The following DOCK3 variants were observed in gnomAD, a reference collection of about 807,000 sequenced individuals.
DOCK3 encodes dedicator of cytokinesis 3.
A neutral mutation model predicts 265.6 loss-of-function variants in DOCK3; 60 were observed. The observed-to-expected ratio is 0.23, with a 90% CI of 0.18 to 0.28. The LOEUF (loss-of-function observed/expected upper bound fraction) is 0.28, where lower values mean the gene tolerates loss of function less well. DOCK3 is among the 10% of genes least tolerant of loss of function. The pLI is 1.00. For synonymous variants in DOCK3, 881 were observed against 938.0 expected, an observed-to-expected ratio of 0.94 and a Z score of 1.11; for missense variants, 1,981 against 2,594.3, an observed-to-expected ratio of 0.76 and a Z score of 5.14.
chr3:51,370,047 G>A (rs1309692642), intron 49 of DOCK3, among the ~76,000 whole-genome samples: 7 of 152,174 alleles, frequency 4.6e-5, no homozygotes, highest in African/African-American at 9.7e-5. Flanking sequence ...CCAAAAGATC[G>A]GTGCATGCTG....
At chr3:51,226,371 C>A (rs953584869) in intron 15 of DOCK3, among the ~76,000 whole-genome samples, 3 of 152,168 alleles carry the variant, frequency 2.0e-5, no homozygotes, top group African/African-American at 7.2e-5. Context: ...AACAAGGCAT[C>A]ATTTGCAGCC....
At chr3:50,818,873 T>C (rs2106880328) in intron 2 of DOCK3, among the ~76,000 whole-genome samples, 1 of 152,346 alleles carries the variant, frequency 6.6e-6, no homozygotes, top group Non-Finnish European at 1.5e-5. Flanking sequence ...CAATTAGTGT[T>C]AGAATCTGTT....
intron 14 of DOCK3, among the ~76,000 whole-genome samples, chr3:51,219,089 A>G (rs780595560): frequency 6.6e-6 from 1 of 152,020 alleles, no homozygotes; most frequent in Non-Finnish European, 1.5e-5. Flanking sequence ...CTTTTAGAGG[A>G]CCCTCTGACT....
Position 51,039,243 on chromosome 3 carries a change from G to A in DOCK3, c.316-25205G>A, listed in dbSNP as rs149212515. 9.2e-3 allele frequency among the ~76,000 whole-genome samples: 1,399 copies of A among 152,136 alleles called. 11 individuals are homozygous for A. The highest frequency in any genetic ancestry group is 0.014 in the Admixed American group (219 of 15,262). ...ACTCCTCACCTCAGGTGATCTGCCC[G>A]ACTCGGCCTCCCAAAGTGCTGGGAT... On this transcript the variant is annotated intron_variant, in intron 5 of 52. Coordinates refer to ENST00000266037, the MANE Select transcript of DOCK3 (RefSeq NM_004947.5).
chr3:51,199,428 G>A (rs983189972), intron 12 of DOCK3, among the ~76,000 whole-genome samples: 24 of 152,284 alleles, frequency 1.6e-4, no homozygotes, highest in South Asian at 4.2e-4. Flanking sequence ...ACGGAGTCTC[G>A]CTGATTGCTA....
In DOCK3 at chr3:50,761,158, T is replaced by C. The variant is rs533930243; in HGVS notation, c.38-17517T>C. Among the ~76,000 whole-genome samples the C allele has an allele frequency of 3.9e-5, 6 of 152,256 alleles. No individual in the cohort carries two copies. In the South Asian group the frequency reaches 1.2e-3, roughly 32 times the overall value. On this transcript the variant is annotated intron_variant, in intron 1 of 52. Transcript: ENST00000266037. ...TATTTTTATATCATTTTTTAAAAAT[T>C]TAGCTTTTACTTTTATTATTTTTTA...
intron 3 of DOCK3, among the ~76,000 whole-genome samples, chr3:50,886,794 A>G (rs2048364390): frequency 6.6e-6 from 1 of 152,154 alleles, no homozygotes; most frequent in Admixed American, 6.6e-5. Context: ...AGGCAGAAAT[A>G]AAGATGTTCT....
chr3:51,219,861 C>A (rs1391259410), intron 14 of DOCK3, among the ~76,000 whole-genome samples: 1 of 152,148 alleles, frequency 6.6e-6, no homozygotes. Flanking sequence ...ATAATCACAT[C>A]TAGTCTCAAA....
At chr3:50,690,137 T>A (rs1278013408) in intron 1 of DOCK3, among the ~76,000 whole-genome samples, 1 of 146,868 alleles carries the variant, frequency 6.8e-6, no homozygotes, top group Non-Finnish European at 1.5e-5. Context: ...ATTTTTACCT[T>A]TTTTTTTTTT....
At chr3:50,944,733 C>T (rs62257830) in intron 5 of DOCK3, among the ~76,000 whole-genome samples, 13,205 of 152,048 alleles carry the variant, frequency 0.087, 634 homozygotes, top group Non-Finnish European at 0.11. Flanking sequence ...TTGAGGTGAG[C>T]GGATCACCTG....
rs576700613 is a variant in DOCK3, at chr3:51,047,857, A to G, written c.316-16591A>G. ...CTTGTTAACGCTTATAAAAAAACAGAAGGAGGAGCACTTCCAACTCATTTT... is the reference window on the plus strand; with the variant it reads ...CTTGTTAACGCTTATAAAAAAACAGGAGGAGGAGCACTTCCAACTCATTTT... On this transcript the variant is annotated intron_variant, in intron 5 of 52. Coordinates refer to ENST00000266037, the MANE Select transcript of DOCK3 (RefSeq NM_004947.5). Among the ~76,000 whole-genome samples, 15 of 152,278 alleles carry G rather than the reference A, an allele frequency of 9.9e-5. No individual in the cohort carries two copies. The East Asian group carries it at 2.9e-3, about 29-fold the overall frequency.
intron 5 of DOCK3, among the ~76,000 whole-genome samples, chr3:51,058,810 C>G: frequency 7.0e-6 from 1 of 142,614 alleles, no homozygotes; most frequent in African/African-American, 2.9e-5. Context: ...CCCTTTGGGC[C>G]TATTTTTTTT....
intron 1 of DOCK3, among the ~76,000 whole-genome samples, chr3:50,739,385 G>C (rs1438177672): frequency 6.6e-6 from 1 of 151,712 alleles, no homozygotes; most frequent in African/African-American, 2.4e-5. Flanking sequence ...TTTCTCATTA[G>C]TGACTATATG....
intron 10 of DOCK3, among the ~76,000 whole-genome samples, chr3:51,149,769 G>A (rs975266006): frequency 4.6e-5 from 7 of 152,084 alleles, no homozygotes; most frequent in Admixed American, 1.3e-4. Flanking sequence ...TTTTTGCATC[G>A]ACGTTCATCA....
At chr3:51,220,310 G>A (rs1281849879) in intron 14 of DOCK3, among the ~76,000 whole-genome samples, 1 of 152,066 alleles carries the variant, frequency 6.6e-6, no homozygotes, top group East Asian at 1.9e-4. Context: ...CACATCTGTA[G>A]AAACCCCTCC....
intron 1 of DOCK3, among the ~76,000 whole-genome samples, chr3:50,694,672 G>A (rs562325126): frequency 2.6e-5 from 4 of 152,114 alleles, no homozygotes; most frequent in African/African-American, 9.7e-5. Flanking sequence ...TTTGCTGGGC[G>A]TGGTGGTGCA....
intron 7 of DOCK3, among the ~76,000 whole-genome samples, chr3:51,081,060 AC>A (rs772267378): frequency 6.0e-4 from 91 of 152,314 alleles, no homozygotes; most frequent in South Asian, 2.5e-3. Flanking sequence ...GAACATTAAT[AC>A]TCAATAATGA....
rs1041374981 is a variant in DOCK3 at position 50,772,645 on chromosome 3, C to T, written c.38-6030C>T. The stretch of plus-strand genomic sequence containing the variant: ...AAATATGTAACATTTATATGTGCTA[C>T]GATTATTCAATCTCAAAAAGAAATC... On this transcript the variant is annotated intron_variant, in intron 1 of 52. Coordinates refer to ENST00000266037, the MANE Select transcript of DOCK3 (RefSeq NM_004947.5). Among the ~76,000 whole-genome samples the T allele has an allele frequency of 6.6e-5, 10 of 152,050 alleles. 1 individual carries two copies. The highest frequency in any genetic ancestry group is 2.0e-4 in the Admixed American group (3 of 15,274).
chr3:50,688,062 G>A (rs2034958010), intron 1 of DOCK3, among the ~76,000 whole-genome samples: 1 of 152,172 alleles, frequency 6.6e-6, no homozygotes, highest in African/African-American at 2.4e-5. Context: ...AGCCGAAAGA[G>A]GAACATGTGC....
Sources: allele counts gnomAD v4.1 joint callset (sites outside exome capture counted in the v4.1 genomes callset), GRCh38; gene constraint gnomAD v4.1.1; transcripts MANE v1.5; gene names NCBI Gene and HGNC (gene_info 2026-07-23, HGNC 2026-07-21).